METTL4: variants seen among roughly 807,000 people sequenced by gnomAD.
The protein encoded by METTL4 is methyltransferase 4, N6-adenosine, also known as N(6)-adenine-specific methyltransferase METTL4.
Under a neutral mutation model 54.0 loss-of-function variants are expected in METTL4, and 40 were observed. The ratio of observed to expected loss-of-function variants is 0.74; its 90% CI spans 0.58 to 0.96. The LOEUF is 0.96. METTL4 is among the 50% of genes least tolerant of loss of function. The pLI, the probability that METTL4 is intolerant of heterozygous loss-of-function variation, is 0.00. For missense variants in METTL4, 525 were observed against 549.0 expected, an observed-to-expected ratio of 0.96 and a Z score of 0.44; for synonymous variants, 169 against 183.8, an observed-to-expected ratio of 0.92 and a Z score of 0.65.
intron 8 of METTL4, chr18:2,540,051 TG>T (rs1352815128): frequency 2.0e-6 from 2 of 977,850 alleles, no homozygotes; most frequent in African/African-American, 3.5e-5. Context: ...AATTTCATCA[TG>T]GTACTTCCAC....
Position 2,544,715 on chromosome 18 carries a change from G to C in METTL4, c.1119C>G (p.His373Gln). ...GEFVFPLDSP[H>Q]KKPYEGLILG... The stretch of plus-strand genomic sequence containing the variant: ...GTATAAGACCTTCGTAGGGCTTTTT[G>C]TGTGGAGAATCTAATGGGAACACAA... Residue 373 changes from histidine to glutamine, a missense_variant, in exon 7 of 9, where the codon CAC becomes CAG. Coordinates refer to ENST00000574538, the MANE Select transcript of METTL4 (RefSeq NM_022840.5). The C allele has an allele frequency of 6.2e-7, 1 of 1,612,938 alleles. No homozygotes were observed.
chr18:2,564,137 C>G (rs552571831), intron 2 of METTL4, among the ~76,000 whole-genome samples: 1 of 152,144 alleles, frequency 6.6e-6, no homozygotes, highest in Admixed American at 6.5e-5. Context: ...GGCACGGTGG[C>G]TCACGCCTGT....
At chr18:2,543,148 T>C (rs1248687398) in intron 8 of METTL4, among the ~76,000 whole-genome samples, 2 of 151,428 alleles carry the variant, frequency 1.3e-5, no homozygotes, top group Non-Finnish European at 2.9e-5. Flanking sequence ...AAAGGACCCT[T>C]CTCCATAAAC....
intron 3 of METTL4, among the ~76,000 whole-genome samples, chr18:2,557,373 C>T (rs2072254310): frequency 1.3e-5 from 2 of 152,240 alleles, no homozygotes; most frequent in South Asian, 2.1e-4. Flanking sequence ...TGCCTGTTTC[C>T]ACCACTCAGA....
chr18:2,537,768 T>C lies in METTL4; in HGVS notation c.*1232A>G, dbSNP rs73938954. On this transcript the variant is annotated 3_prime_UTR_variant, in exon 9 of 9. Coordinates refer to ENST00000574538, the MANE Select transcript of METTL4 (RefSeq NM_022840.5). ...ATATTTGTCAACAATCTGTAAATAG[T>C]ATAAATGCTTTTCTCAAAATGCTAC... 4,819 of 397,758 alleles carry C rather than the reference T, an allele frequency of 0.012. 128 individuals are homozygous for C. The highest frequency in any genetic ancestry group is 0.073 in the East Asian group (2,032 of 28,020). 24.6% of individuals were successfully genotyped at this position (397,758 alleles called of 1,614,324 possible).
chr18:2,548,518 C>T (rs888237422), intron 5 of METTL4, among the ~76,000 whole-genome samples: 2 of 152,212 alleles, frequency 1.3e-5, no homozygotes, highest in African/African-American at 4.8e-5. Flanking sequence ...AAACTGGCCA[C>T]TATTCTGAAC....
intron 8 of METTL4, chr18:2,540,868 T>C (rs753189712): frequency 7.1e-6 from 7 of 985,450 alleles, no homozygotes; most frequent in Non-Finnish European, 8.4e-6. Flanking sequence ...AACCCTATTT[T>C]AGAAATTTAA....
At chr18:2,553,674 C>T (rs989099200) in intron 4 of METTL4, 15 of 152,130 alleles carry the variant, frequency 9.9e-5, no homozygotes, top group African/African-American at 3.4e-4. Flanking sequence ...TGGAATTTTA[C>T]TGTAAGGAAG....
intron 5 of METTL4, among the ~76,000 whole-genome samples, chr18:2,549,816 T>A (rs2072125485): frequency 1.4e-5 from 1 of 69,034 alleles, no homozygotes; most frequent in Non-Finnish European, 2.8e-5. Flanking sequence ...ACCCCATCTC[T>A]ACTAAAAAAA....
chr18:2,544,338 T>A, intron 7 of METTL4, 52 bp from the exon 8 acceptor site: 1 of 1,320,402 alleles, frequency 7.6e-7, no homozygotes, highest in Non-Finnish European at 1.1e-6. Flanking sequence ...CAATTTTCTA[T>A]ACATAAGCCA....
chr18:2,538,908 T>A lies in METTL4; in HGVS notation c.*92A>T, dbSNP rs921156121. The A allele has an allele frequency of 2.7e-5, 38 of 1,385,528 alleles. No homozygotes were observed. In the African/African-American group the frequency reaches 5.4e-4, roughly 20 times the overall value. 85.8% of individuals were successfully genotyped at this position (1,385,528 alleles called of 1,614,324 possible). On this transcript the variant is annotated 3_prime_UTR_variant, in exon 9 of 9. Coordinates refer to ENST00000574538, the MANE Select transcript of METTL4 (RefSeq NM_022840.5). ...AAGTCCTGTTTATATTCTAAGAATA[T>A]GGGTTGGTAACAAAATAAAAAAATG...
At chr18:2,541,672 T>C (rs565573344) in intron 8 of METTL4, among the ~76,000 whole-genome samples, 2 of 152,178 alleles carry the variant, frequency 1.3e-5, no homozygotes, top group African/African-American at 4.8e-5. Flanking sequence ...CTTATGCAAA[T>C]GTATCATTTT....
intron 5 of METTL4, among the ~76,000 whole-genome samples, chr18:2,548,299 G>C (rs1371730708): frequency 6.6e-6 from 1 of 152,044 alleles, no homozygotes; most frequent in Non-Finnish European, 1.5e-5. Context: ...CCAACATTCA[G>C]TGGAAGGGGA....
In METTL4 at chr18:2,537,644, A is replaced by G. The variant is rs147872362; in HGVS notation, c.*1356T>C. 2.7e-6 allele frequency: 1 copy of G among 372,310 alleles called. No individual in the cohort carries two copies. The highest frequency in any genetic ancestry group is 2.1e-5 in the African/African-American group (1 of 48,264). The allele number at this position is 372,310 out of a possible 1,614,324, so 23.1% of individuals were successfully genotyped here. A position where few individuals can be genotyped will look rare whatever the true frequency, so the allele number is the denominator to read the frequency against. ...ACTATACTCACACACTCAAAGGATG[A>G]ACAAACTTCAAAAATAACATATTTT... On this transcript the variant is annotated 3_prime_UTR_variant, in exon 9 of 9. Transcript: ENST00000574538.
chr18:2,558,225 C>T (rs1468955307), intron 3 of METTL4, among the ~76,000 whole-genome samples: 2 of 151,910 alleles, frequency 1.3e-5, no homozygotes, highest in African/African-American at 2.4e-5. Flanking sequence ...GGCCATAAAA[C>T]AAGGTTCTAG....
chr18:2,556,609 T>C (rs2072242746), intron 3 of METTL4, among the ~76,000 whole-genome samples: 1 of 152,110 alleles, frequency 6.6e-6, no homozygotes, highest in African/African-American at 2.4e-5. Flanking sequence ...TAGGTTTACT[T>C]GCAGTCCAAA....
chr18:2,560,192 A>C (rs1377472733), intron 3 of METTL4, among the ~76,000 whole-genome samples: 1 of 152,214 alleles, frequency 6.6e-6, no homozygotes, highest in Non-Finnish European at 1.5e-5. Flanking sequence ...CGGAACGTAC[A>C]TGATGTTGCT....
chr18:2,565,130 T>A (rs1381523768), intron 2 of METTL4, among the ~76,000 whole-genome samples: 1 of 151,868 alleles, frequency 6.6e-6, no homozygotes, highest in African/African-American at 2.4e-5. Context: ...ATACAAAAAA[T>A]TGGCCGGGTA....
chr18:2,565,434 T>A (rs1027820560), intron 2 of METTL4, among the ~76,000 whole-genome samples: 3 of 152,028 alleles, frequency 2.0e-5, no homozygotes, highest in African/African-American at 7.3e-5. Context: ...TGAAATAATT[T>A]GTACAACAAA....
Sources: gnomAD v4.1 joint callset for allele counts (sites outside exome capture counted in the v4.1 genomes callset) on GRCh38, gnomAD v4.1.1 for gene constraint, MANE v1.5 for transcripts, NCBI Gene and HGNC (gene_info 2026-07-23, HGNC 2026-07-21) for gene names.